The following SCARA5 variants were observed in gnomAD, a reference collection of about 807,000 sequenced individuals.
SCARA5 encodes scavenger receptor class A member 5.
Under a neutral mutation model 46.3 loss-of-function variants are expected in SCARA5, and 45 were observed. The ratio of observed to expected loss-of-function variants is 0.97; its 90% CI spans 0.76 to 1.24. The LOEUF is 1.24. SCARA5 is among the 50% of genes most tolerant of loss of function. The probability of loss-of-function intolerance (pLI) is 0.00; values close to 1 mark genes in which losing one functional copy is unlikely to be tolerated. For synonymous variants in SCARA5, 333 were observed against 306.5 expected (o/e 1.09, Z -0.90); for missense variants, 680 against 689.0 (o/e 0.99, Z 0.15).
At chr8:27,962,369 A>G (rs1808306841) in intron 3 of SCARA5, among the ~76,000 whole-genome samples, 1 of 152,234 alleles carries the variant, frequency 6.6e-6, no homozygotes, top group Non-Finnish European at 1.5e-5. Context: ...TCTATGACTG[A>G]GACAGAAAAT....
intron 3 of SCARA5, among the ~76,000 whole-genome samples, chr8:27,945,254 T>G (rs886857531): frequency 6.6e-6 from 1 of 152,062 alleles, no homozygotes; most frequent in Non-Finnish European, 1.5e-5. Context: ...CCTCCCTTAT[T>G]CTCTATGAAC....
chr8:27,879,761 C>T lies in SCARA5; in HGVS notation c.1159G>A (p.Val387Met), dbSNP rs764454261. Residue 387 changes from valine to methionine, a missense_variant, in exon 8 of 9, where the codon GTG (valine) becomes ATG (methionine). By Grantham distance (21) the Val-to-Met change is conservative. Coordinates refer to ENST00000354914, the MANE Select transcript of SCARA5 (RefSeq NM_173833.6). ...AGGCGGATCATCATCGGGGCCTCCA[C>T]GCCACCTGCCGGAGCAGCCAACTGT... ...KGDRAGDASG[V>M]EAPMMIRLVN... 3.7e-6 allele frequency: 6 copies of T among 1,612,390 alleles called. No homozygotes were observed. In the African/African-American group the frequency reaches 4.0e-5, roughly 11 times the overall value.
intron 2 of SCARA5, among the ~76,000 whole-genome samples, chr8:27,973,674 G>A (rs1808479647): frequency 6.6e-6 from 1 of 152,134 alleles, no homozygotes; most frequent in Admixed American, 6.5e-5. Flanking sequence ...GCCCCTGGAT[G>A]CTCACTCTCT....
intron 7 of SCARA5, among the ~76,000 whole-genome samples, chr8:27,899,109 A>C (rs766806985): frequency 6.6e-6 from 1 of 152,216 alleles, no homozygotes; most frequent in Non-Finnish European, 1.5e-5. Context: ...GTCTAAAGGG[A>C]ATCTCTGACT....
At chr8:27,922,299 G>C in intron 3 of SCARA5, 54 bp from the exon 4 acceptor site, 1 of 1,349,334 alleles carries the variant, frequency 7.4e-7, no homozygotes, top group Non-Finnish European at 9.9e-7. Flanking sequence ...AAGGCCCCGG[G>C]TGACAAGAGG....
At chr8:27,915,732 G>A (rs149535671) in intron 4 of SCARA5, among the ~76,000 whole-genome samples, 1 of 152,300 alleles carries the variant, frequency 6.6e-6, no homozygotes, top group Non-Finnish European at 1.5e-5. Context: ...CCAGGTCACT[G>A]GATGGTTTTG....
intron 7 of SCARA5, among the ~76,000 whole-genome samples, chr8:27,888,549 G>T (rs116047619): frequency 6.6e-6 from 1 of 152,150 alleles, no homozygotes; most frequent in Non-Finnish European, 1.5e-5. Flanking sequence ...CCTTTAAACA[G>T]CCTTGCTTGT....
At chr8:27,957,591 T>C (rs1808225215) in intron 3 of SCARA5, among the ~76,000 whole-genome samples, 1 of 152,232 alleles carries the variant, frequency 6.6e-6, no homozygotes, top group Non-Finnish European at 1.5e-5. Flanking sequence ...GGTGTTAGAT[T>C]CTGCCTCAGA....
At chr8:27,968,309 T>C (rs1808399487) in intron 2 of SCARA5, among the ~76,000 whole-genome samples, 1 of 152,228 alleles carries the variant, frequency 6.6e-6, no homozygotes, top group Non-Finnish European at 1.5e-5. Context: ...CATAAGACAT[T>C]GGGTGCAGTG....
Position 27,922,154 on chromosome 8 carries a change from C to T in SCARA5, c.333G>A (p.Arg111=), listed in dbSNP as rs1246863938. The change falls in exon 4 of 9, where the codon CGG becomes CGA. Residue 111 remains arginine, a synonymous_variant. Coordinates refer to ENST00000354914, the MANE Select transcript of SCARA5 (RefSeq NM_173833.6). ...CCGCTTGCAGCGGAGCCTGCAGCAGCCGCAGCTGCAAGTCCCGGAAGCTCT... is the reference window on the plus strand; with the variant it reads ...CCGCTTGCAGCGGAGCCTGCAGCAGTCGCAGCTGCAAGTCCCGGAAGCTCT... ...LNESFRDLQL[R]LLQAPLQADL... 2.5e-6 allele frequency: 4 copies of T among 1,607,700 alleles called. No homozygotes were observed. Among genetic ancestry groups the T allele is most frequent in the Admixed American group, 3.4e-5 (2 of 59,268 alleles).
Position 27,921,851 on chromosome 8 carries a change from C to A in SCARA5, c.636G>T (p.Arg212Ser). 6.5e-7 allele frequency: 1 copy of A among 1,529,208 alleles called. No homozygotes were observed. The highest frequency in any genetic ancestry group is 8.7e-7 in the Non-Finnish European group (1 of 1,145,114). The allele number at this position is 1,529,208 out of a possible 1,614,324, so 94.7% of individuals were successfully genotyped here. A position where few individuals can be genotyped will look rare whatever the true frequency, so the allele number is the denominator to read the frequency against. Reference sequence around the variant, plus strand: ...CCAGCTCCTCGCCCAGGATGCCCACCCTGCGCGCCAGCCCGTCCAGCAGGC... The same window carrying A: ...CCAGCTCCTCGCCCAGGATGCCCACACTGCGCGCCAGCCCGTCCAGCAGGC... ...HAGLLDGLAR[R>S]VGILGEELAD... The change falls in exon 4 of 9, where the codon AGG (arginine) becomes AGT (serine). Residue 212 changes from arginine (R) to serine (S), a missense_variant. Physicochemically the swap from Arg to Ser is moderately radical, Grantham distance 110. This residue lies in a region of SCARA5 where 438 missense variants were observed against 384.5 expected (regional missense o/e 1.14). Coordinates refer to ENST00000354914, the MANE Select transcript of SCARA5 (RefSeq NM_173833.6).
intron 3 of SCARA5, among the ~76,000 whole-genome samples, chr8:27,935,771 G>C (rs887536772): frequency 2.0e-5 from 3 of 152,140 alleles, no homozygotes; most frequent in African/African-American, 7.2e-5. Flanking sequence ...GATAGGGGGA[G>C]AGCAGGGTAA....
At chr8:27,911,916 G>C (rs1480129449) in intron 4 of SCARA5, among the ~76,000 whole-genome samples, 1 of 152,176 alleles carries the variant, frequency 6.6e-6, no homozygotes, top group African/African-American at 2.4e-5. Context: ...CAGAGACACA[G>C]AGATATGAGA....
chr8:27,881,147 G>A (rs1322723881), intron 7 of SCARA5, among the ~76,000 whole-genome samples: 1 of 151,918 alleles, frequency 6.6e-6, no homozygotes, highest in South Asian at 2.1e-4. Flanking sequence ...ATTTCTCAAA[G>A]AACTTAAAAC....
chr8:27,964,153 G>A (rs1229671014), intron 3 of SCARA5, among the ~76,000 whole-genome samples: 2 of 152,166 alleles, frequency 1.3e-5, no homozygotes, highest in Non-Finnish European at 2.9e-5. Flanking sequence ...ATCAGACAGA[G>A]CCTCCTTAAA....
intron 7 of SCARA5, among the ~76,000 whole-genome samples, chr8:27,892,456 G>A (rs556122381): frequency 6.6e-6 from 1 of 152,226 alleles, no homozygotes; most frequent in Non-Finnish European, 1.5e-5. Flanking sequence ...TGGGTCCTGG[G>A]GAAATTAGGA....
chr8:27,945,605 A>C (rs1229101500), intron 3 of SCARA5, among the ~76,000 whole-genome samples: 1 of 152,258 alleles, frequency 6.6e-6, no homozygotes, highest in Non-Finnish European at 1.5e-5. Flanking sequence ...GGGTACAAAG[A>C]AATCAACAAC....
chr8:27,904,466 T>C (rs1376053898), intron 7 of SCARA5: 2 of 515,036 alleles, frequency 3.9e-6, no homozygotes, highest in African/African-American at 3.8e-5. Flanking sequence ...CTGTTATCCC[T>C]ATTTTATAGA....
chr8:27,955,874 G>T (rs796425428), intron 3 of SCARA5, among the ~76,000 whole-genome samples: 1 of 152,202 alleles, frequency 6.6e-6, no homozygotes, highest in East Asian at 1.9e-4. Context: ...GCTCCTCAGG[G>T]CTTCTGATGC....
Sources: gnomAD v4.1 joint callset for allele counts (sites outside exome capture counted in the v4.1 genomes callset) on GRCh38, gnomAD v4.1.1 for gene constraint, gnomAD v4.1.1 regional missense constraint, MANE v1.5 for transcripts, NCBI Gene and HGNC (gene_info 2026-07-23, HGNC 2026-07-21) for gene names.